The following BTD variants were observed in gnomAD, a reference collection of about 807,000 sequenced individuals.
The protein encoded by BTD is biocytinase.
In BTD, 13 loss-of-function variants were observed where a neutral mutation model predicts 17.7. The observed-to-expected ratio is 0.74, with a 90% confidence interval of 0.48 to 1.17. The LOEUF (loss-of-function observed/expected upper bound fraction) is 1.17, where lower values mean the gene tolerates loss of function less well. Among genes scored for constraint, BTD ranks in the 50% most tolerant of loss-of-function variants. The pLI is 0.00. For synonymous variants in BTD, 240 were observed against 245.2 expected, an observed-to-expected ratio of 0.98 and a Z score of 0.20; for missense variants, 674 against 650.4, an observed-to-expected ratio of 1.04 and a Z score of -0.39.
chr3:15,643,966 T>TTTAATTAA (rs199961120), intron 3 of BTD, among the ~76,000 whole-genome samples: 154 of 105,318 alleles, frequency 1.5e-3, no homozygotes, highest in Non-Finnish European at 1.9e-3. Context: ...AACTCATTTA[T>TTTAATTAA]TTAATTTATT....
chr3:15,721,115 T>G, intron 4 of BTD: 1 of 1,611,324 alleles, frequency 6.2e-7, no homozygotes, highest in Non-Finnish European at 8.5e-7. Flanking sequence ...CCATAGGCAT[T>G]TGGTTCATTC....
intron 2 of BTD, among the ~76,000 whole-genome samples, chr3:15,640,148 A>T (rs906045517): frequency 6.6e-6 from 1 of 152,200 alleles, no homozygotes; most frequent in African/African-American, 2.4e-5. Flanking sequence ...ATACCCTTTG[A>T]TCCAGTAATT....
chr3:15,720,131 T>G (rs994565762), intron 4 of BTD, among the ~76,000 whole-genome samples: 4 of 152,106 alleles, frequency 2.6e-5, no homozygotes, highest in Non-Finnish European at 5.9e-5. Flanking sequence ...CCCAAAGTGG[T>G]GGGATTACAG....
chr3:15,669,447 T>C (rs1319200161), intron 3 of BTD: 4 of 152,210 alleles, frequency 2.6e-5, no homozygotes, highest in Admixed American at 2.6e-4. Context: ...AAAATAGTAC[T>C]ATTTTAAACC....
At chr3:15,605,350 C>T (rs1483676493) in intron 1 of BTD, among the ~76,000 whole-genome samples, 1 of 152,108 alleles carries the variant, frequency 6.6e-6, no homozygotes, top group Non-Finnish European at 1.5e-5. Context: ...TTTGCTATCA[C>T]AAGAACAGCA....
downstream of BTD, among the ~76,000 whole-genome samples, chr3:15,713,141 T>C (rs187981726): frequency 6.6e-6 from 1 of 152,216 alleles, no homozygotes; most frequent in Non-Finnish European, 1.5e-5. Context: ...TCCCTGAGCT[T>C]GGCACAGCAC....
chr3:15,654,667 G>A (rs1190390161), downstream of BTD, among the ~76,000 whole-genome samples: 1 of 151,826 alleles, frequency 6.6e-6, no homozygotes, highest in Non-Finnish European at 1.5e-5. Context: ...TGCCTCCCGG[G>A]TTCAAGCGAT....
chr3:15,604,498 T>C (rs1407417424), intron 1 of BTD, among the ~76,000 whole-genome samples: 1 of 152,252 alleles, frequency 6.6e-6, no homozygotes, highest in African/African-American at 2.4e-5. Context: ...GGGCCTGTTG[T>C]GAAGGTCTCT....
rs191229792 is a variant in BTD, at chr3:15,648,166, C to T, written c.*2678C>T. ...CACAGAAGATCTCCTCAGAGAGGAC[C>T]GATGGTGAGTCGGCCGCTCTTGATT... On this transcript the variant is annotated 3_prime_UTR_variant, in exon 4 of 4. Coordinates refer to ENST00000643237, the MANE Select transcript of BTD (RefSeq NM_001370658.1). 2.6e-5 allele frequency among the ~76,000 whole-genome samples: 4 copies of T among 152,318 alleles called. No individual in the cohort carries two copies. Among genetic ancestry groups the T allele is most frequent in the Middle Eastern group, 3.4e-3 (1 of 294 alleles).
At chr3:15,696,272 A>G (rs2069535238) in intron 3 of BTD, 1 of 1,414,076 alleles carries the variant, frequency 7.1e-7, no homozygotes, top group Non-Finnish European at 9.7e-7. Flanking sequence ...CAACATACTG[A>G]AAATCCTAAA....
rs554098862 is a variant in BTD at position 15,607,986 on chromosome 3, G to A, written c.-17+6092G>A. On this transcript the variant is annotated intron_variant, in intron 1 of 3. Transcript: ENST00000643237. ...TTCAGAGTACCAAAGCTCAGCAACA[G>A]GCTTGAAACAAACCCAGTGAAAAGC... is the stretch of plus-strand genomic sequence containing the variant. Among the ~76,000 whole-genome samples the A allele has an allele frequency of 9.8e-5, 15 of 152,320 alleles. No homozygotes were observed. In the South Asian group the frequency reaches 3.1e-3, roughly 32 times the overall value.
chr3:15,604,550 ATAGT>A (rs2064386045), intron 1 of BTD, among the ~76,000 whole-genome samples: 1 of 152,206 alleles, frequency 6.6e-6, no homozygotes. Flanking sequence ...TTGGTGATTA[ATAGT>A]TAGCTTCTTA....
chr3:15,617,611 G>A (rs1275549439), intron 1 of BTD, among the ~76,000 whole-genome samples: 1 of 152,182 alleles, frequency 6.6e-6, no homozygotes, highest in Non-Finnish European at 1.5e-5. Context: ...CACACTTGTA[G>A]TCCCAGCTGC....
In BTD at chr3:15,677,379, A is replaced by C. The variant is rs116098782; in HGVS notation, c.400-32681A>C. On this transcript the variant is annotated intron_variant, in intron 3 of 3. Coordinates refer to the BTD transcript ENST00000672141. ...GAAATCTAATACCAGTGATCATTAG[A>C]GAGGTTTGGTCCTGAGTTGTTCATT... 1.8e-4 allele frequency: 145 copies of C among 792,882 alleles called. No individual in the cohort carries two copies. In the African/African-American group the frequency reaches 2.3e-3, roughly 13 times the overall value. The allele number at this position is 792,882 out of a possible 1,614,324, so 49.1% of individuals were successfully genotyped here. A position where few individuals can be genotyped will look rare whatever the true frequency, so the allele number is the denominator to read the frequency against.
chr3:15,655,600 A>C (rs1294607368), downstream of BTD, among the ~76,000 whole-genome samples: 2 of 152,222 alleles, frequency 1.3e-5, no homozygotes, highest in Non-Finnish European at 2.9e-5. Flanking sequence ...CTTGCTTTTA[A>C]ATTGTTGTGT....
chr3:15,643,220 C>A (rs1236366504), intron 3 of BTD, among the ~76,000 whole-genome samples: 2 of 152,094 alleles, frequency 1.3e-5, no homozygotes. Context: ...ATCTTTTGAG[C>A]CTGGGCACAG....
chr3:15,700,182 CAAG>C (rs983918080), intron 3 of BTD, among the ~76,000 whole-genome samples: 20 of 152,158 alleles, frequency 1.3e-4, no homozygotes, highest in African/African-American at 4.8e-4. Context: ...GGGAGCTGAA[CAAG>C]GAGAACACAT....
At chr3:15,664,048 C>G (rs2065952987) in intron 3 of BTD, among the ~76,000 whole-genome samples, 1 of 152,256 alleles carries the variant, frequency 6.6e-6, no homozygotes, top group South Asian at 2.1e-4. Context: ...ATTACAGGTG[C>G]CTGCCACCAT....
intron 3 of BTD, chr3:15,690,026 A>G (rs1307806131): frequency 1.2e-6 from 2 of 1,606,460 alleles, no homozygotes; most frequent in African/African-American, 1.3e-5. Context: ...TACCTGCTGC[A>G]TGAATAGGTG....
Sources: gnomAD v4.1 joint callset for allele counts (sites outside exome capture counted in the v4.1 genomes callset) on GRCh38, gnomAD v4.1.1 for gene constraint, MANE v1.5 for transcripts, NCBI Gene and HGNC (gene_info 2026-07-23, HGNC 2026-07-21) for gene names.